The following ATIC variants were observed in gnomAD, a reference collection of about 807,000 sequenced individuals.
ATIC encodes the protein bifunctional purine biosynthesis protein ATIC.
ATIC carries 64 observed loss-of-function variants against 72.5 expected under a neutral mutation model. The ratio of observed to expected loss-of-function variants is 0.88; its 90% CI spans 0.72 to 1.09. ATIC has a LOEUF of 1.09. Among genes scored for constraint, ATIC ranks in the 50% least tolerant of loss-of-function variants. The probability of loss-of-function intolerance (pLI) is 0.00; values close to 1 mark genes in which losing one functional copy is unlikely to be tolerated. For synonymous variants in ATIC, 281 were observed against 267.1 expected, an observed-to-expected ratio of 1.05 and a Z score of -0.51; for missense variants, 787 against 732.4, an observed-to-expected ratio of 1.07 and a Z score of -0.86.
At chr2:215,323,099 C>T (rs6760067) in intron 4 of ATIC, among the ~76,000 whole-genome samples, 33,257 of 152,086 alleles carry the variant, frequency 0.22, 4,429 homozygotes, top group Non-Finnish European at 0.3. Context: ...CGCCCGCTAC[C>T]ATGCGCAGCT....
At chr2:215,334,226 C>A (rs2052930217) in intron 9 of ATIC, among the ~76,000 whole-genome samples, 1 of 109,002 alleles carries the variant, frequency 9.2e-6, no homozygotes, top group Non-Finnish European at 1.8e-5. Flanking sequence ...CAGCTTCTTG[C>A]TCTGTTGCCC....
intron 12 of ATIC, among the ~76,000 whole-genome samples, chr2:215,341,387 A>G (rs900999777): frequency 6.6e-6 from 1 of 152,326 alleles, no homozygotes; most frequent in East Asian, 1.9e-4. Flanking sequence ...GGATTCATTA[A>G]TAATTTAGTG....
chr2:215,313,222 A>G (rs2052674286), intron 2 of ATIC, among the ~76,000 whole-genome samples: 1 of 152,240 alleles, frequency 6.6e-6, no homozygotes, highest in African/African-American at 2.4e-5. Flanking sequence ...TAAACAGATT[A>G]ACTTAGGTGG....
At chr2:215,328,764 C>A (rs989719522) in intron 7 of ATIC, among the ~76,000 whole-genome samples, 3 of 149,736 alleles carry the variant, frequency 2.0e-5, no homozygotes, top group Non-Finnish European at 4.4e-5. Flanking sequence ...TTCGCCCAGG[C>A]TGGAGTGCAG....
chr2:215,349,687 T>C lies in ATIC; in HGVS notation c.*32T>C, dbSNP rs200042527. 1,840 of 1,614,048 alleles carry C rather than the reference T, an allele frequency of 1.1e-3. 1 individual carries two copies. The highest frequency in any genetic ancestry group is 1.4e-3 in the Non-Finnish European group (1,685 of 1,180,020). On this transcript the variant is annotated 3_prime_UTR_variant, in exon 16 of 16. Coordinates refer to ENST00000236959, the MANE Select transcript of ATIC (RefSeq NM_004044.7). ...CACACACTGTTTTTTGGCTTGCTTA[T>C]GTGTAGGTGAACAGTCACGCCTGAA...
chr2:215,358,989 T>A, the ATIC span, among the ~76,000 whole-genome samples: 1 of 152,152 alleles, frequency 6.6e-6, no homozygotes, highest in African/African-American at 2.4e-5. Flanking sequence ...TTCAAACGAT[T>A]CTCCTGTCTC....
intron 11 of ATIC, among the ~76,000 whole-genome samples, chr2:215,337,601 A>C (rs1315717213): frequency 1.3e-5 from 2 of 152,202 alleles, no homozygotes; most frequent in Admixed American, 6.5e-5. Flanking sequence ...TCCTGACCTC[A>C]AGGGATCTGC....
At chr2:215,356,261 TAGTGG>T in the ATIC span, among the ~76,000 whole-genome samples, 1 of 152,214 alleles carries the variant, frequency 6.6e-6, no homozygotes, top group Non-Finnish European at 1.5e-5. Context: ...GCATAGGAAC[TAGTGG>T]AAGATAACCT....
At chr2:215,347,404 A>G (rs766676156) in intron 14 of ATIC, among the ~76,000 whole-genome samples, 1 of 152,098 alleles carries the variant, frequency 6.6e-6, no homozygotes. Flanking sequence ...AACTTGATAC[A>G]TTTTGTTACA....
At chr2:215,364,791 T>C in the ATIC span, 28 of 853,428 alleles carry the variant, frequency 3.3e-5, no homozygotes, top group Non-Finnish European at 5.0e-5. Context: ...GAAGGGTCTC[T>C]GCCCCTCCTG....
intron 4 of ATIC, among the ~76,000 whole-genome samples, chr2:215,323,025 A>G (rs1272299808): frequency 6.6e-6 from 1 of 152,092 alleles, no homozygotes; most frequent in Non-Finnish European, 1.5e-5. Flanking sequence ...GCTCACTGCA[A>G]GCTCTGCCTC....
rs912930954 is a variant in ATIC at position 215,347,102 on chromosome 2, G to A, written c.1503+161G>A. 9 of 963,156 alleles carry A rather than the reference G, an allele frequency of 9.3e-6. No homozygotes were observed. The African/African-American group carries it at 1.1e-4, about 12-fold the overall frequency. The allele number at this position is 963,156 out of a possible 1,614,324, so 59.7% of individuals were successfully genotyped here. A position where few individuals can be genotyped will look rare whatever the true frequency, so the allele number is the denominator to read the frequency against. On this transcript the variant is annotated intron_variant, in intron 14 of 15. Transcript: ENST00000236959. ...TTGAAACTTCTTACACATTTCTCATGTTCTTCTGTCTCATGTAACTTTCTT... is the reference window on the plus strand; with the variant it reads ...TTGAAACTTCTTACACATTTCTCATATTCTTCTGTCTCATGTAACTTTCTT...
At chr2:215,363,438 A>G in the ATIC span, 1 of 152,132 alleles carries the variant, frequency 6.6e-6, no homozygotes, top group Non-Finnish European at 1.5e-5. Context: ...CCAATCTCCA[A>G]TTCTCCTCCA....
rs1430460569 is a variant in ATIC, at chr2:215,345,133, T to C, written c.1320+262T>C. ...TTGGCACATTTTGGATTAGTGAGAC[T>C]CTAATAGCTGTTACAAAACTGGATT... On this transcript the variant is annotated intron_variant, in intron 13 of 15. Transcript: ENST00000236959. 7 of 507,466 alleles carry C rather than the reference T, an allele frequency of 1.4e-5. No individual in the cohort carries two copies. The Admixed American group carries it at 2.3e-4, about 16-fold the overall frequency. The allele number at this position is 507,466 out of a possible 1,614,324, so 31.4% of individuals were successfully genotyped here.
chr2:215,350,605 T>G (rs1478962440), downstream of ATIC, among the ~76,000 whole-genome samples: 1 of 152,200 alleles, frequency 6.6e-6, no homozygotes, highest in African/African-American at 2.4e-5. Context: ...GTGAAATGTT[T>G]CCCAGAATTT....
Position 215,349,581 on chromosome 2 carries a change from A to G in ATIC, c.1705A>G (p.Lys569Glu), listed in dbSNP as rs1476563616. The change falls in exon 16 of 16, where the codon AAA becomes GAA. Residue 569 changes from lysine (K) to glutamate (E), a missense_variant. Coordinates refer to ENST00000236959, the MANE Select transcript of ATIC (RefSeq NM_004044.7). The part of the protein sequence containing the change: ...IAAPSGSAAD[K>E]VVIEACDELG... ...GGCTCCCTCCGGTTCTGCTGCTGAC[A>G]AAGTTGTGATTGAGGCCTGCGACGA... 1 of 1,614,172 alleles carries G rather than the reference A, an allele frequency of 6.2e-7. No homozygotes were observed. Among genetic ancestry groups the G allele is most frequent in the Non-Finnish European group, 8.5e-7 (1 of 1,180,042 alleles).
At chr2:215,334,041 CA>C (rs34643540) in intron 9 of ATIC, among the ~76,000 whole-genome samples, 56 of 131,902 alleles carry the variant, frequency 4.2e-4, no homozygotes, top group Non-Finnish European at 4.2e-4. Context: ...TACTCCGTCT[CA>C]AAAAAAAAAA....
At position 215,349,156 on chromosome 2, in the gene ATIC, A is replaced by G; in HGVS notation, c.1566A>G (p.Ala522=). 6.2e-7 allele frequency: 1 copy of G among 1,614,152 alleles called. No homozygotes were observed. The highest frequency in any genetic ancestry group is 8.5e-7 in the Non-Finnish European group (1 of 1,180,010). The change falls in exon 15 of 16, where the codon GCA becomes GCG. Residue 522 remains alanine (A), a synonymous_variant. Coordinates refer to ENST00000236959, the MANE Select transcript of ATIC (RefSeq NM_004044.7). Reference sequence around the variant, plus strand: ...AAGTCCCTGAGTTACTCACTGAGGCAGAGAAGAAGGAATGGGTTGAGAAAC... The same window carrying G: ...AAGTCCCTGAGTTACTCACTGAGGCGGAGAAGAAGGAATGGGTTGAGAAAC... ...FEEVPELLTE[A]EKKEWVEKLT... is the part of the protein sequence containing the mutation.
chr2:215,368,291 A>G, the ATIC span, among the ~76,000 whole-genome samples: 1 of 152,184 alleles, frequency 6.6e-6, no homozygotes, highest in Admixed American at 6.5e-5. Context: ...TGTTGAAACT[A>G]CTTCATAGAA....
Sources: gnomAD v4.1 joint callset for allele counts (sites outside exome capture counted in the v4.1 genomes callset) on GRCh38, gnomAD v4.1.1 for gene constraint, MANE v1.5 for transcripts, NCBI Gene and HGNC (gene_info 2026-07-23, HGNC 2026-07-21) for gene names.